ARHGAP6: variants seen among roughly 807,000 people sequenced by gnomAD.
The protein encoded by ARHGAP6 is rho GTPase-activating protein 6.
A neutral mutation model predicts 55.7 loss-of-function variants in ARHGAP6; 16 were observed. The ratio of observed to expected loss-of-function variants is 0.29; its 90% CI spans 0.19 to 0.44. The LOEUF (loss-of-function observed/expected upper bound fraction) is 0.44. ARHGAP6 is among the 20% of genes least tolerant of loss of function. ARHGAP6 has a pLI of 1.00. For synonymous variants in ARHGAP6, 382 were observed against 360.9 expected (o/e 1.06, Z -0.66); for missense variants, 698 against 808.9 (o/e 0.86, Z 1.66).
intron 8 of ARHGAP6, among the ~76,000 whole-genome samples, chrX:11,172,330 C>T (rs186507397): frequency 2.3e-4 from 26 of 111,594 alleles, no homozygotes; most frequent in Non-Finnish European, 4.0e-4. Flanking sequence ...TGTTTTATTT[C>T]ATTGGTAAGT....
At chrX:11,464,624 T>C (rs1244832522) in intron 1 of ARHGAP6, among the ~76,000 whole-genome samples, 1 of 112,537 alleles carries the variant, frequency 8.9e-6, no homozygotes, top group Non-Finnish European at 1.9e-5. Context: ...TGCCAATCTC[T>C]TCTTTCAAGA....
intron 2 of ARHGAP6, among the ~76,000 whole-genome samples, chrX:11,218,900 ATTATAC>A (rs1378264132): frequency 3.0e-5 from 3 of 100,659 alleles, no homozygotes; most frequent in Admixed American, 2.1e-4. Flanking sequence ...TTTTTTTTTT[ATTATAC>A]TTTAAGTTTT....
At chrX:11,278,302 C>T (rs1042946861) in intron 1 of ARHGAP6, among the ~76,000 whole-genome samples, 14 of 111,585 alleles carry the variant, frequency 1.3e-4, no homozygotes, top group African/African-American at 2.0e-4. Flanking sequence ...GTGGGCCCAA[C>T]GTAACCACAC....
intron 2 of ARHGAP6, among the ~76,000 whole-genome samples, chrX:11,219,739 GT>G (rs1209906029): frequency 1.1e-5 from 1 of 93,835 alleles, no homozygotes; most frequent in Non-Finnish European, 2.1e-5. Flanking sequence ...GGGGTTGTTT[GT>G]TTTTTTCTTG....
At position 11,178,091 on chromosome X, in the gene ARHGAP6, G is replaced by C. The variant is rs755945154; in HGVS notation, c.1629+9C>G. 6 of 1,208,994 alleles carry C rather than the reference G, an allele frequency of 5.0e-6. No individual in the cohort carries two copies. Among genetic ancestry groups the C allele is most frequent in the Admixed American group, 4.4e-5 (2 of 45,709 alleles). On this transcript the variant is annotated intron_variant, in intron 8 of 12. Transcript: ENST00000337414. ...AGTCACGGCATCTATGGCAGCAAAGGCATCTTACCTCTTGCCCATCTTTGC... is the reference window on the plus strand; with the variant it reads ...AGTCACGGCATCTATGGCAGCAAAGCCATCTTACCTCTTGCCCATCTTTGC...
rs772192294 is a variant in ARHGAP6, at chrX:11,301,887, A to G, written c.589-47180T>C. Among the ~76,000 whole-genome samples the G allele has an allele frequency of 7.1e-5, 8 of 112,247 alleles. No individual in the cohort carries two copies. The East Asian group carries it at 2.0e-3, about 27-fold the overall frequency. ...TCAAAACACTCTGGCAAATATGGCA[A>G]ATATCCTTGGCTAGCTGTCCAACAG... is the stretch of plus-strand genomic sequence containing the variant. On this transcript the variant is annotated intron_variant, in intron 1 of 12. Transcript: ENST00000337414.
rs189288713 is a variant in ARHGAP6 at position 11,253,721 on chromosome X, A to G, written c.748+827T>C. 4.0e-3 allele frequency among the ~76,000 whole-genome samples: 449 copies of G among 111,198 alleles called. 3 individuals carry two copies. Among genetic ancestry groups the G allele is most frequent in the South Asian group, 0.029 (74 of 2,583 alleles). On this transcript the variant is annotated intron_variant, in intron 2 of 12. Coordinates refer to ENST00000337414, the MANE Select transcript of ARHGAP6 (RefSeq NM_013427.3). ...AGGGATTGAGGCTATCCTGGCCAAC[A>G]TGGTGAAACCTTGTCTCTACTATAA...
chrX:11,167,258 G>A (rs1276242634), intron 9 of ARHGAP6, among the ~76,000 whole-genome samples: 2 of 111,398 alleles, frequency 1.8e-5, no homozygotes, highest in Non-Finnish European at 1.9e-5. Context: ...GAACATAAAC[G>A]AGAAATTTGT....
chrX:11,451,551 G>A (rs1025766035), intron 1 of ARHGAP6, among the ~76,000 whole-genome samples: 10 of 112,140 alleles, frequency 8.9e-5, no homozygotes, highest in African/African-American at 3.2e-4. Context: ...AGCGAATCTA[G>A]CAATACAAGT....
intron 2 of ARHGAP6, among the ~76,000 whole-genome samples, chrX:11,229,867 G>A (rs755923867): frequency 9.0e-6 from 1 of 111,677 alleles, no homozygotes; most frequent in Non-Finnish European, 1.9e-5. Context: ...GAAAAAAAAA[G>A]TTCATTCAGA....
chrX:11,360,245 C>T (rs1466295778), intron 1 of ARHGAP6, among the ~76,000 whole-genome samples: 1 of 111,797 alleles, frequency 8.9e-6, no homozygotes, highest in Non-Finnish European at 1.9e-5. Context: ...AACATTGATG[C>T]AAAAATCCTC....
intron 1 of ARHGAP6, among the ~76,000 whole-genome samples, chrX:11,560,108 G>A (rs1290084372): frequency 9.1e-6 from 1 of 110,412 alleles, no homozygotes; most frequent in Non-Finnish European, 1.9e-5. Context: ...GAGAGCACCC[G>A]ATTCTCAAAG....
In ARHGAP6 at chrX:11,537,259, C is replaced by T. The variant is rs1313487181; in HGVS notation, c.588+126982G>A. 1.8e-5 allele frequency among the ~76,000 whole-genome samples: 2 copies of T among 112,200 alleles called. 1 individual carries two copies. Among genetic ancestry groups the T allele is most frequent in the Admixed American group, 1.9e-4 (2 of 10,552 alleles). On this transcript the variant is annotated intron_variant, in intron 1 of 12. Transcript: ENST00000337414. ...GTTCTCAACTGGGTGACTTGCCAGC[C>T]AGGGAACATGTGGCAATGTCTTGAG...
chrX:11,425,393 C>G (rs997625405), intron 1 of ARHGAP6, among the ~76,000 whole-genome samples: 11 of 112,148 alleles, frequency 9.8e-5, no homozygotes, highest in South Asian at 7.4e-4. Flanking sequence ...AGATATTATA[C>G]CACCAAGGGT....
intron 8 of ARHGAP6, among the ~76,000 whole-genome samples, chrX:11,171,283 C>T (rs1249534676): frequency 9.0e-6 from 1 of 110,612 alleles, no homozygotes; most frequent in Admixed American, 9.6e-5. Flanking sequence ...TTCCTGTGCA[C>T]ATATATACAT....
intron 8 of ARHGAP6, among the ~76,000 whole-genome samples, chrX:11,174,564 TCCTTCCTTC>T (rs2046148086): frequency 3.8e-5 from 3 of 79,448 alleles, no homozygotes; most frequent in African/African-American, 1.6e-4. Flanking sequence ...CTTCCTTCCT[TCCTTCCTTC>T]CTTTCTTTCT....
At chrX:11,608,638 C>T (rs770413634) in intron 1 of ARHGAP6, among the ~76,000 whole-genome samples, 34 of 111,784 alleles carry the variant, frequency 3.0e-4, no homozygotes, top group Non-Finnish European at 5.3e-4. Context: ...ATTGTACTCC[C>T]GTAATTCCCA....
In ARHGAP6 at chrX:11,359,832, C is replaced by T. The variant is rs190280338; in HGVS notation, c.589-105125G>A. 4.2e-3 allele frequency among the ~76,000 whole-genome samples: 466 copies of T among 111,639 alleles called. 2 individuals carry two copies. Among genetic ancestry groups the T allele is most frequent in the East Asian group, 0.02 (72 of 3,559 alleles). ...AAAATGATAAAGGGGATATCACCAC[C>T]GATCCCACAGAAATACAAACTACCA... On this transcript the variant is annotated intron_variant, in intron 1 of 12. Coordinates refer to ENST00000337414, the MANE Select transcript of ARHGAP6 (RefSeq NM_013427.3).
intron 1 of ARHGAP6, among the ~76,000 whole-genome samples, chrX:11,280,642 G>A (rs1293593970): frequency 9.2e-6 from 1 of 108,355 alleles, no homozygotes; most frequent in Non-Finnish European, 1.9e-5. Flanking sequence ...CACTTTGGGA[G>A]GCTGAGATGG....
Sources: gnomAD v4.1 joint callset for allele counts (sites outside exome capture counted in the v4.1 genomes callset) on GRCh38, gnomAD v4.1.1 for gene constraint, MANE v1.5 for transcripts, NCBI Gene and HGNC (gene_info 2026-07-23, HGNC 2026-07-21) for gene names.